SLC26A3: variants seen among roughly 807,000 people sequenced by gnomAD.
SLC26A3 encodes solute carrier family 26 member 3.
Under a neutral mutation model 85.6 loss-of-function variants are expected in SLC26A3, and 64 were observed. The observed-to-expected ratio is 0.75, with a 90% CI of 0.61 to 0.92. The LOEUF (loss-of-function observed/expected upper bound fraction) is 0.92, where lower values mean the gene tolerates loss of function less well. Among genes scored for constraint, SLC26A3 ranks in the 40% least tolerant of loss-of-function variants. The pLI is 0.00. For synonymous variants in SLC26A3, 349 were observed against 336.0 expected (o/e 1.04, Z -0.42); for missense variants, 922 against 927.3 (o/e 0.99, Z 0.07).
rs777296725 is a variant in SLC26A3 at position 107,794,361 on chromosome 7, C to T, written c.131+18G>A. 4.8e-5 allele frequency: 77 copies of T among 1,613,278 alleles called. No homozygotes were observed. The highest frequency in any genetic ancestry group is 6.4e-5 in the Non-Finnish European group (75 of 1,179,626). On this transcript the variant is annotated intron_variant, in intron 2 of 20. Transcript: ENST00000340010. ...CAAAAATGTATTCCTAATGCCAATA[C>T]CTTAAAAAATATCTTACCTACAACA...
Position 107,791,867 on chromosome 7 carries a change from GA to G in SLC26A3, c.344del (p.Ile115ThrfsTer19), listed in dbSNP as rs386833478. The G allele has an allele frequency of 7.4e-6, 12 of 1,613,566 alleles. No homozygotes were observed. The highest frequency in any genetic ancestry group is 5.1e-6 in the Non-Finnish European group (6 of 1,179,644). Reference protein sequence around the residue: ...GLYASFFPAIIYLFFGTSRHI... With the variant: ...GLYASFFPAIXYLFFGTSRHI... ...GTCTGGAAGTGCCGAAGAAAAGGTA[GA>G]TTATGGCTGGGAAAAAGGATGCATA... is the stretch of plus-strand genomic sequence containing the variant. On this transcript the variant is annotated frameshift_variant, in exon 4 of 21. Coordinates refer to ENST00000340010, the MANE Select transcript of SLC26A3 (RefSeq NM_000111.3). LOFTEE classifies it high-confidence loss of function.
chr7:107,772,063 C>A lies in SLC26A3; in HGVS notation c.2053G>T (p.Gly685Ter). 4 of 1,612,006 alleles carry A rather than the reference C, an allele frequency of 2.5e-6. No homozygotes were observed. Among genetic ancestry groups the A allele is most frequent in the Non-Finnish European group, 3.4e-6 (4 of 1,178,232 alleles). Residue 685 changes from glycine to a stop codon, truncating the protein, a stop_gained, in exon 18 of 21, where the codon GGA (glycine) becomes TGA (stop). Transcript: ENST00000340010. LOFTEE classifies it high-confidence loss of function. ...IRIKVDVYIV[G>*]TDDDFIEKLN... ...AAATAAAGCCACTTACCATCAGTTCCAACGATATACACATCTACCTTGATC... is the reference window on the plus strand; with the variant it reads ...AAATAAAGCCACTTACCATCAGTTCAAACGATATACACATCTACCTTGATC...
chr7:107,783,105 A>G lies in SLC26A3; in HGVS notation c.1120-12T>C. On this transcript the variant is annotated splice_polypyrimidine_tract_variant and intron_variant, in intron 9 of 20. Transcript: ENST00000340010. ...AAGGCTATTAACTCCTGACAGGAAG[A>G]CAAGAATGAACCTTTTTCAGAAGTG... The G allele has an allele frequency of 1.2e-6, 2 of 1,613,694 alleles. No individual in the cohort carries two copies. The highest frequency in any genetic ancestry group is 1.7e-6 in the Non-Finnish European group (2 of 1,179,554).
intron 8 of SLC26A3, among the ~76,000 whole-genome samples, 196 bp from the exon 9 acceptor site, chr7:107,783,548 G>T (rs1794244624): frequency 6.6e-6 from 1 of 152,188 alleles, no homozygotes; most frequent in Admixed American, 6.5e-5. Context: ...GCCTGAATTT[G>T]GTAAAAGACT....
At chr7:107,778,431 G>A (rs992803719) in intron 12 of SLC26A3, 150 bp from the exon 13 acceptor site, 7 of 591,890 alleles carry the variant, frequency 1.2e-5, no homozygotes, top group East Asian at 2.9e-5. Flanking sequence ...TTTGCCAGAC[G>A]TGGTGGAAGT....
At position 107,791,918 on chromosome 7, in the gene SLC26A3, G is replaced by C. The variant is rs368890058; in HGVS notation, c.294C>G (p.Val98=). 5.6e-6 allele frequency: 9 copies of C among 1,612,342 alleles called. No individual in the cohort carries two copies. The highest frequency in any genetic ancestry group is 6.8e-6 in the Non-Finnish European group (8 of 1,178,474). Residue 98 remains valine (V), a synonymous_variant, in exon 4 of 21, where the codon GTC becomes GTG. Coordinates refer to ENST00000340010, the MANE Select transcript of SLC26A3 (RefSeq NM_000111.3). ...VLQGLAFALL[V]DIPPVYGLYA... ...ACAACCCATAGACTGGGGGAATGTCGACCAGCAGAGCAAATGCTAAACCTG... is the reference window on the plus strand; with the variant it reads ...ACAACCCATAGACTGGGGGAATGTCCACCAGCAGAGCAAATGCTAAACCTG...
chr7:107,791,002 A>G (rs1794388929), intron 5 of SLC26A3, 46 bp downstream of exon 5: 1 of 1,592,554 alleles, frequency 6.3e-7, no homozygotes, highest in South Asian at 1.1e-5. Flanking sequence ...TGTAACAGTC[A>G]AGATGAACAG....
At chr7:107,782,425 G>GT (rs1386181537) in intron 11 of SLC26A3, among the ~76,000 whole-genome samples, 1 of 152,154 alleles carries the variant, frequency 6.6e-6, no homozygotes, top group Non-Finnish European at 1.5e-5. Context: ...TGTGTGGCTG[G>GT]TAGGGCCATT....
intron 7 of SLC26A3, 61 bp from the exon 8 acceptor site, chr7:107,786,970 A>G: frequency 7.0e-7 from 1 of 1,426,828 alleles, no homozygotes; most frequent in Non-Finnish European, 9.9e-7. Context: ...TCTTGCTTTG[A>G]AGAAAAATAA....
chr7:107,790,483 A>G (rs1387481037), intron 5 of SLC26A3, among the ~76,000 whole-genome samples: 1 of 152,200 alleles, frequency 6.6e-6, no homozygotes, highest in Non-Finnish European at 1.5e-5. Flanking sequence ...TTATCCATAA[A>G]CTTAGGCAAC....
rs780556100 is a variant in SLC26A3 at position 107,789,512 on chromosome 7, A to G, written c.735+12T>C. 37 of 1,612,574 alleles carry G rather than the reference A, an allele frequency of 2.3e-5. No individual in the cohort carries two copies. The highest frequency in any genetic ancestry group is 2.5e-5 in the Non-Finnish European group (29 of 1,178,836). ...TGTATTTCAGTATTTTTTAGGTGAA[A>G]GAAATACTTACTTTGAAAATTGAAA... On this transcript the variant is annotated intron_variant, in intron 6 of 20. Coordinates refer to ENST00000340010, the MANE Select transcript of SLC26A3 (RefSeq NM_000111.3).
chr7:107,783,374 T>C, intron 8 of SLC26A3, 22 bp from the exon 9 acceptor site: 3 of 1,613,934 alleles, frequency 1.9e-6, no homozygotes, highest in Non-Finnish European at 2.5e-6. Flanking sequence ...ATTAAGCAAG[T>C]CTGAATGTCA....
chr7:107,781,771 G>A (rs143282334), intron 11 of SLC26A3, among the ~76,000 whole-genome samples: 141 of 152,114 alleles, frequency 9.3e-4, no homozygotes, highest in African/African-American at 3.3e-3. Context: ...CACAGTCACC[G>A]TTCGGCTACC....
At chr7:107,797,750 T>TTTTTTTTTTTTTTTTTTTTTTG (rs1794534806) in intron 1 of SLC26A3, among the ~76,000 whole-genome samples, 1 of 150,254 alleles carries the variant, frequency 6.7e-6, no homozygotes. Flanking sequence ...CTTTTTTTTT[T>TTTTTTTTTTTTTTTTTTTTTTG]GAGACGGAGT....
intron 15 of SLC26A3, 107 bp downstream of exon 15, chr7:107,776,345 C>A: frequency 1.1e-6 from 1 of 934,314 alleles, no homozygotes; most frequent in Non-Finnish European, 1.8e-6. Context: ...AACCCCACCT[C>A]AACATATGTG....
intron 18 of SLC26A3, 40 bp from the exon 19 acceptor site, chr7:107,767,948 T>G (rs755491093): frequency 1.3e-6 from 2 of 1,599,418 alleles, no homozygotes; most frequent in Admixed American, 1.7e-5. Context: ...AAGAAACAAT[T>G]GTTTGGCTAC....
chr7:107,799,389 C>CT (rs374723917), intron 1 of SLC26A3, among the ~76,000 whole-genome samples: 388 of 152,034 alleles, frequency 2.6e-3, no homozygotes, highest in African/African-American at 8.2e-3. Context: ...CTTTTCTTTT[C>CT]TTTTCTTTTT....
chr7:107,778,359 A>AATTTTTTTTT, intron 12 of SLC26A3, 78 bp from the exon 13 acceptor site: 5 of 453,040 alleles, frequency 1.1e-5, no homozygotes, highest in Non-Finnish European at 1.8e-5. Flanking sequence ...TTTTAAAAAG[A>AATTTTTTTTT]CTTTTTTTTT....
In SLC26A3 at chr7:107,774,001, G is replaced by A. The variant is rs1794067839; in HGVS notation, c.1926C>T (p.Pro642=). 1.2e-6 allele frequency: 2 copies of A among 1,614,100 alleles called. No homozygotes were observed. The highest frequency in any genetic ancestry group is 1.7e-6 in the Non-Finnish European group (2 of 1,179,954). Residue 642 remains proline (P), a synonymous_variant, in exon 17 of 21, where the codon CCC becomes CCT. Coordinates refer to ENST00000340010, the MANE Select transcript of SLC26A3 (RefSeq NM_000111.3). ...NDDLPLNIEV[P]KISLHSLILD... is the part of the protein sequence containing the mutation. ...GAATGAGGCTGTGGAGGCTGATTTT[G>A]GGGACCTCAATGTTGAGAGGAAGAT...
Sources: allele counts gnomAD v4.1 joint callset (sites outside exome capture counted in the v4.1 genomes callset), GRCh38; gene constraint gnomAD v4.1.1; transcripts MANE v1.5; gene names NCBI Gene and HGNC (gene_info 2026-07-23, HGNC 2026-07-21).